SH3GL2: variants seen among roughly 807,000 people sequenced by gnomAD.
SH3GL2 encodes SH3 domain containing GRB2 like 2, endophilin A1, also known as endophilin-A1.
A neutral mutation model predicts 46.0 loss-of-function variants in SH3GL2; 24 were observed. The observed-to-expected ratio is 0.52, with a 90% CI of 0.38 to 0.73. SH3GL2 has a LOEUF of 0.73. Ranked by LOEUF, SH3GL2 falls within the 30% of genes least tolerant of loss-of-function variation. The probability of loss-of-function intolerance (pLI) is 0.00; values close to 1 mark genes in which losing one functional copy is unlikely to be tolerated. For missense variants in SH3GL2, 413 were observed against 424.2 expected, an observed-to-expected ratio of 0.97 and a Z score of 0.23; for synonymous variants, 196 against 147.1, an observed-to-expected ratio of 1.33 and a Z score of -2.40.
intron 1 of SH3GL2, among the ~76,000 whole-genome samples, chr9:17,713,068 G>T (rs1284677010): frequency 6.6e-6 from 1 of 150,732 alleles, no homozygotes. Flanking sequence ...TTCTTAGTGT[G>T]CTGGGTTTTT....
At chr9:17,589,853 T>G in intron 1 of SH3GL2, 1 of 152,296 alleles carries the variant, frequency 6.6e-6, no homozygotes. Flanking sequence ...TGGGCCATTG[T>G]CTGTGATCCG....
intron 1 of SH3GL2, among the ~76,000 whole-genome samples, chr9:17,610,247 C>A (rs551255326): frequency 1.3e-5 from 2 of 152,150 alleles, no homozygotes; most frequent in Non-Finnish European, 2.9e-5. Context: ...CTTTCTTTTC[C>A]TCATTTTAAT....
At chr9:17,777,058 G>T (rs1306400819) in intron 3 of SH3GL2, among the ~76,000 whole-genome samples, 2 of 152,164 alleles carry the variant, frequency 1.3e-5, no homozygotes, top group African/African-American at 4.8e-5. Context: ...GTAGAATGGA[G>T]AGTGTTAGGG....
Position 17,773,353 on chromosome 9 carries a change from G to C in SH3GL2, c.187+11844G>C, listed in dbSNP as rs2131168124. ...TGTAATTTTTTTTGTTGTTGCATATGCCTTTGGTATCATATCCAGGAATTC... is the reference window on the plus strand; with the variant it reads ...TGTAATTTTTTTTGTTGTTGCATATCCCTTTGGTATCATATCCAGGAATTC... On this transcript the variant is annotated intron_variant, in intron 3 of 8. Transcript: ENST00000380607. 2.0e-5 allele frequency among the ~76,000 whole-genome samples: 3 copies of C among 152,136 alleles called. No individual in the cohort carries two copies. The Middle Eastern group carries it at 0.01, about 517-fold the overall frequency.
At chr9:17,626,113 G>T (rs1819274595) in intron 1 of SH3GL2, among the ~76,000 whole-genome samples, 1 of 152,212 alleles carries the variant, frequency 6.6e-6, no homozygotes, top group Admixed American at 6.5e-5. Flanking sequence ...CCAGAGGGAG[G>T]CTCTGGCCGC....
At chr9:17,732,196 G>A (rs1392905752) in intron 1 of SH3GL2, among the ~76,000 whole-genome samples, 2 of 151,884 alleles carry the variant, frequency 1.3e-5, no homozygotes, top group Non-Finnish European at 2.9e-5. Context: ...GTTTAAGGTA[G>A]TACTGTTGGA....
intron 1 of SH3GL2, among the ~76,000 whole-genome samples, chr9:17,743,642 T>C (rs1273244387): frequency 6.6e-6 from 1 of 150,700 alleles, no homozygotes; most frequent in Non-Finnish European, 1.5e-5. Flanking sequence ...TTTGACCCCG[T>C]TGTGTTATCA....
At chr9:17,636,959 C>T (rs1819557107) in intron 1 of SH3GL2, among the ~76,000 whole-genome samples, 1 of 152,160 alleles carries the variant, frequency 6.6e-6, no homozygotes, top group African/African-American at 2.4e-5. Flanking sequence ...GTTGTTATTG[C>T]TAAATTTTCT....
intron 1 of SH3GL2, among the ~76,000 whole-genome samples, chr9:17,634,910 C>T (rs913831476): frequency 6.6e-6 from 1 of 152,148 alleles, no homozygotes; most frequent in Non-Finnish European, 1.5e-5. Context: ...ATGGAAACTT[C>T]TGTGGGGAAG....
At chr9:17,772,457 C>G (rs762509283) in intron 3 of SH3GL2, among the ~76,000 whole-genome samples, 34 of 152,046 alleles carry the variant, frequency 2.2e-4, no homozygotes, top group Non-Finnish European at 2.9e-5. Context: ...CTCTTTTTGT[C>G]TTGTAAAAGT....
At chr9:17,597,615 G>A (rs889221556) in intron 1 of SH3GL2, among the ~76,000 whole-genome samples, 1 of 152,152 alleles carries the variant, frequency 6.6e-6, no homozygotes, top group South Asian at 2.1e-4. Context: ...TTATGTGCTT[G>A]TTAGGTGGTT....
At chr9:17,749,038 T>A (rs1822771453) in intron 2 of SH3GL2, among the ~76,000 whole-genome samples, 1 of 152,222 alleles carries the variant, frequency 6.6e-6, no homozygotes, top group Non-Finnish European at 1.5e-5. Context: ...CACTGATGGA[T>A]ACCCAGTGGT....
At chr9:17,739,745 A>G (rs1422958073) in intron 1 of SH3GL2, among the ~76,000 whole-genome samples, 7 of 152,204 alleles carry the variant, frequency 4.6e-5, no homozygotes, top group African/African-American at 1.7e-4. Context: ...AGGAGCTGAA[A>G]GCTCTGCATG....
intron 2 of SH3GL2, among the ~76,000 whole-genome samples, chr9:17,748,661 C>G (rs1296640620): frequency 1.3e-5 from 2 of 151,940 alleles, no homozygotes; most frequent in Admixed American, 6.6e-5. Flanking sequence ...TTTGTGTCTT[C>G]CATGAACCAG....
At position 17,796,898 on chromosome 9, in the gene SH3GL2, C is replaced by T. The variant is rs1824285868; in HGVS notation, c.*1155C>T. ...TTGTGTGTACAGTGCTGTGTGTAAG[C>T]TTATCAGTGTGTTTTTTTATTTGTA... On this transcript the variant is annotated 3_prime_UTR_variant, in exon 9 of 9. Transcript: ENST00000380607. 1 of 152,576 alleles carries T rather than the reference C, an allele frequency of 6.6e-6. No homozygotes were observed. Among genetic ancestry groups the T allele is most frequent in the African/African-American group, 2.4e-5 (1 of 41,424 alleles). The allele number at this position is 152,576 out of a possible 1,614,324, so 9.5% of individuals were successfully genotyped here.
At chr9:17,769,773 C>G (rs151206822) in intron 3 of SH3GL2, among the ~76,000 whole-genome samples, 11 of 152,256 alleles carry the variant, frequency 7.2e-5, no homozygotes, top group Non-Finnish European at 1.5e-4. Context: ...ACTCCCATTT[C>G]TCATATAGAA....
At chr9:17,714,566 A>T (rs73424659) in intron 1 of SH3GL2, among the ~76,000 whole-genome samples, 2 of 151,726 alleles carry the variant, frequency 1.3e-5, no homozygotes, top group Admixed American at 6.6e-5. Context: ...TAGATGGTCT[A>T]TAACATTGAT....
intron 3 of SH3GL2, among the ~76,000 whole-genome samples, chr9:17,768,502 A>G (rs1229056754): frequency 6.6e-6 from 1 of 152,168 alleles, no homozygotes; most frequent in Non-Finnish European, 1.5e-5. Context: ...AAATACTATA[A>G]ATAAATACCA....
intron 4 of SH3GL2, among the ~76,000 whole-genome samples, chr9:17,787,102 C>G (rs944885832): frequency 2.6e-5 from 4 of 152,166 alleles, no homozygotes; most frequent in African/African-American, 4.8e-5. Context: ...GCTAGTCCCA[C>G]ATTAGGGAAA....
Sources: allele counts gnomAD v4.1 joint callset (sites outside exome capture counted in the v4.1 genomes callset), GRCh38; gene constraint gnomAD v4.1.1; transcripts MANE v1.5; gene names NCBI Gene and HGNC (gene_info 2026-07-23, HGNC 2026-07-21).